Variants in BCL2 observed in about 807,000 individuals in gnomAD.
The protein encoded by BCL2 is apoptosis regulator Bcl-2.
In BCL2, 1 loss-of-function variant was observed where a neutral mutation model predicts 14.2. The observed-to-expected ratio is 0.07, with a 90% CI of 0.02 to 0.33. The LOEUF (loss-of-function observed/expected upper bound fraction) is 0.33. Among genes scored for constraint, BCL2 ranks in the 10% least tolerant of loss-of-function variants. The pLI is 0.99. For missense variants in BCL2, 247 were observed against 305.9 expected (o/e 0.81, Z 1.44); for synonymous variants, 151 against 137.2 (o/e 1.10, Z -0.70).
intron 2 of BCL2, among the ~76,000 whole-genome samples, chr18:63,274,719 G>A (rs1479769537): frequency 3.3e-5 from 5 of 152,068 alleles, no homozygotes; most frequent in Non-Finnish European, 4.4e-5. Context: ...CACCTGCCGC[G>A]GAGGACCTAG....
intron 2 of BCL2, among the ~76,000 whole-genome samples, chr18:63,145,420 C>T (rs996304075): frequency 2.0e-5 from 3 of 149,908 alleles, no homozygotes; most frequent in African/African-American, 2.5e-5. Flanking sequence ...CTCTGGGCCG[C>T]TCGCCCCACT....
At chr18:63,262,622 C>T (rs1911694110) in intron 2 of BCL2, among the ~76,000 whole-genome samples, 1 of 152,136 alleles carries the variant, frequency 6.6e-6, no homozygotes, top group South Asian at 2.1e-4. Flanking sequence ...TACCTTTGCT[C>T]CGACCAGTCA....
At chr18:63,302,173 A>G (rs1478058380) in intron 2 of BCL2, 1 of 223,456 alleles carries the variant, frequency 4.5e-6, no homozygotes, top group South Asian at 1.6e-4. Flanking sequence ...ACTAAAAAAA[A>G]TACAAAAAAA....
chr18:63,269,961 C>T (rs1911956724), intron 2 of BCL2, among the ~76,000 whole-genome samples: 1 of 152,044 alleles, frequency 6.6e-6, no homozygotes, highest in Admixed American at 6.6e-5. Flanking sequence ...AACAGGTTTC[C>T]ACCTTTGAAA....
Position 63,141,504 on chromosome 18 carries a change from C to T in BCL2, c.586-12745G>A, listed in dbSNP as rs184241653. Among the ~76,000 whole-genome samples, 2 of 152,278 alleles carry T rather than the reference C, an allele frequency of 1.3e-5. 1 individual carries two copies. The highest frequency in any genetic ancestry group is 1.3e-4 in the Admixed American group (2 of 15,300). On this transcript the variant is annotated intron_variant, in intron 2 of 2. Coordinates refer to ENST00000333681, the MANE Select transcript of BCL2 (RefSeq NM_000633.3). ...ATAATCCAAGTTATTTGTCCCAGAC[C>T]CCAACCCCCATATGCCCACAAAGCC...
intron 2 of BCL2, among the ~76,000 whole-genome samples, chr18:63,305,054 A>T (rs1199347717): frequency 6.6e-6 from 1 of 152,154 alleles, no homozygotes; most frequent in African/African-American, 2.4e-5. Context: ...GCTCATGTCC[A>T]AGCCCGCCTG....
intron 2 of BCL2, among the ~76,000 whole-genome samples, chr18:63,264,185 T>C (rs72945034): frequency 0.062 from 9,496 of 152,326 alleles, 451 homozygotes; most frequent in Non-Finnish European, 0.092. Flanking sequence ...TATTTGCTCA[T>C]AGTAGGGCCT....
intron 2 of BCL2, among the ~76,000 whole-genome samples, chr18:63,184,533 A>G (rs910178299): frequency 3.3e-5 from 5 of 152,162 alleles, no homozygotes; most frequent in Admixed American, 3.3e-4. Flanking sequence ...CTTTGCACCA[A>G]TCTCTTTAGG....
intron 2 of BCL2, among the ~76,000 whole-genome samples, chr18:63,310,866 T>C (rs1268056051): frequency 1.3e-5 from 2 of 152,220 alleles, no homozygotes; most frequent in African/African-American, 4.8e-5. Context: ...TGTCTCCCTG[T>C]TCTTATAATT....
intron 2 of BCL2, among the ~76,000 whole-genome samples, chr18:63,202,474 G>C (rs1327570482): frequency 6.6e-6 from 1 of 152,070 alleles, no homozygotes; most frequent in African/African-American, 2.4e-5. Context: ...TCCTAAAATG[G>C]TGAGGCCTGG....
chr18:63,313,741 G>A (rs546675474), intron 2 of BCL2: 9 of 152,264 alleles, frequency 5.9e-5, no homozygotes, highest in African/African-American at 7.2e-5. Context: ...ATGAGTGGGC[G>A]TATCATCCCT....
chr18:63,144,757 C>G (rs555575736), intron 2 of BCL2, among the ~76,000 whole-genome samples: 3 of 152,156 alleles, frequency 2.0e-5, no homozygotes, highest in Non-Finnish European at 4.4e-5. Flanking sequence ...CTGGTGGGTC[C>G]TAAAGCAAGC....
intron 2 of BCL2, among the ~76,000 whole-genome samples, chr18:63,287,802 A>G (rs1912518791): frequency 6.6e-6 from 1 of 152,236 alleles, no homozygotes; most frequent in African/African-American, 2.4e-5. Flanking sequence ...GATCTAGGGA[A>G]GAGAGACTTT....
chr18:63,206,028 G>A (rs768239618), intron 2 of BCL2, among the ~76,000 whole-genome samples: 1 of 152,196 alleles, frequency 6.6e-6, no homozygotes, highest in Non-Finnish European at 1.5e-5. Context: ...CCTTCCTGCT[G>A]TGCCTCAGGC....
Position 63,128,374 on chromosome 18 carries a change from C to CTTTTTTTT in BCL2, c.*250_*251insAAAAAAAA. ...ATGGGACTGTCTTAAATAAATAAAT[C>CTTTTTTTT]TTTTTTTCTTAATAATGTAAAAAAT... is the stretch of plus-strand genomic sequence containing the variant. On this transcript the variant is annotated 3_prime_UTR_variant, in exon 3 of 3. Coordinates refer to ENST00000333681, the MANE Select transcript of BCL2 (RefSeq NM_000633.3). 1 of 370,066 alleles carries CTTTTTTTT rather than the reference C, an allele frequency of 2.7e-6. No individual in the cohort carries two copies. The highest frequency in any genetic ancestry group is 4.9e-6 in the Non-Finnish European group (1 of 205,104). The allele number at this position is 370,066 out of a possible 1,614,324, so 22.9% of individuals were successfully genotyped here.
intron 2 of BCL2, among the ~76,000 whole-genome samples, chr18:63,265,054 A>C (rs1363797268): frequency 2.6e-5 from 4 of 152,172 alleles, no homozygotes; most frequent in East Asian, 3.9e-4. Context: ...GCAAGTGGAG[A>C]AGCACCTGTG....
chr18:63,166,010 CA>C (rs1915035235), intron 2 of BCL2, among the ~76,000 whole-genome samples: 1 of 152,212 alleles, frequency 6.6e-6, no homozygotes, highest in Non-Finnish European at 1.5e-5. Flanking sequence ...TTTTGTTAAA[CA>C]AGGGTCCTTC....
intron 2 of BCL2, among the ~76,000 whole-genome samples, chr18:63,259,312 T>C (rs1342621884): frequency 6.6e-6 from 1 of 152,238 alleles, no homozygotes; most frequent in Non-Finnish European, 1.5e-5. Flanking sequence ...GTCCCAAGCA[T>C]GGCCCCGAGA....
At chr18:63,234,185 A>G (rs1296385093) in intron 2 of BCL2, among the ~76,000 whole-genome samples, 7 of 152,136 alleles carry the variant, frequency 4.6e-5, no homozygotes, top group South Asian at 2.1e-4. Flanking sequence ...CTATCAACCC[A>G]TCACCTAGGT....
Sources: gnomAD v4.1 joint callset for allele counts (sites outside exome capture counted in the v4.1 genomes callset) on GRCh38, gnomAD v4.1.1 for gene constraint, MANE v1.5 for transcripts, NCBI Gene and HGNC (gene_info 2026-07-23, HGNC 2026-07-21) for gene names.